Variants in KIAA1958 observed in about 807,000 individuals in gnomAD.
The protein encoded by KIAA1958 is KIAA1958.
KIAA1958 carries 14 observed loss-of-function variants against 47.2 expected under a neutral mutation model. That is an observed-to-expected ratio of 0.30 (90% CI 0.20 to 0.46). The LOEUF is 0.46. KIAA1958 is among the 20% of genes least tolerant of loss of function. The probability of loss-of-function intolerance (pLI) is 1.00; values close to 1 mark genes in which losing one functional copy is unlikely to be tolerated. For synonymous variants in KIAA1958, 354 were observed against 353.3 expected, an observed-to-expected ratio of 1.00 and a Z score of -0.02; for missense variants, 803 against 909.2, an observed-to-expected ratio of 0.88 and a Z score of 1.50.
intron 1 of KIAA1958, among the ~76,000 whole-genome samples, chr9:112,532,587 A>G (rs1044951865): frequency 5.9e-5 from 9 of 152,200 alleles, no homozygotes; most frequent in Non-Finnish European, 8.8e-5. Flanking sequence ...ATGTGTGTAT[A>G]AAACAGTAGT....
intron 2 of KIAA1958, among the ~76,000 whole-genome samples, chr9:112,601,321 AT>A (rs1428230461): frequency 6.6e-6 from 1 of 152,206 alleles, no homozygotes; most frequent in African/African-American, 2.4e-5. Flanking sequence ...AATAAACATT[AT>A]TTAACAGCTA....
intron 2 of KIAA1958, among the ~76,000 whole-genome samples, chr9:112,630,011 G>GTGCAC (rs1281893216): frequency 6.6e-6 from 1 of 152,214 alleles, no homozygotes; most frequent in Non-Finnish European, 1.5e-5. Flanking sequence ...CCTGGACATT[G>GTGCAC]TGCACTGGCC....
At chr9:112,530,838 T>C (rs1834739851) in intron 1 of KIAA1958, among the ~76,000 whole-genome samples, 1 of 152,356 alleles carries the variant, frequency 6.6e-6, no homozygotes, top group East Asian at 1.9e-4. Context: ...ATTTGGCTTT[T>C]GGTTGTAATT....
intron 3 of KIAA1958, among the ~76,000 whole-genome samples, chr9:112,648,041 C>A (rs1310142873): frequency 6.6e-6 from 1 of 152,160 alleles, no homozygotes. Flanking sequence ...GTGACTCATA[C>A]ATGGGAGAAA....
rs370747857 is a variant in KIAA1958 at position 112,659,292 on chromosome 9, C to G, written c.1374C>G (p.Leu458=). Residue 458 remains leucine, a synonymous_variant, in exon 4 of 4, where the codon CTC becomes CTG. Coordinates refer to ENST00000337530, the MANE Select transcript of KIAA1958 (RefSeq NM_133465.4). ...CTGCAGTGAAGTTGAACGAGCTGCT[C>G]GAGAACTTTTATGTCACCGTCAAGA... is the stretch of plus-strand genomic sequence containing the variant. The part of the protein sequence containing the change: ...KIPAVKLNEL[L]ENFYVTVKKS... 30 of 1,613,200 alleles carry G rather than the reference C, an allele frequency of 1.9e-5. No individual in the cohort carries two copies. Among genetic ancestry groups the G allele is most frequent in the Non-Finnish European group, 2.5e-5 (29 of 1,179,640 alleles).
intron 1 of KIAA1958, among the ~76,000 whole-genome samples, chr9:112,556,533 C>T (rs768484422): frequency 1.4e-4 from 21 of 152,298 alleles, no homozygotes; most frequent in South Asian, 4.1e-4. Context: ...TAGGGTCTTA[C>T]TGTGTTGCCC....
intron 2 of KIAA1958, among the ~76,000 whole-genome samples, chr9:112,626,199 T>A (rs1413113517): frequency 1.3e-5 from 2 of 152,172 alleles, no homozygotes; most frequent in Non-Finnish European, 2.9e-5. Context: ...ATGTAGAAAT[T>A]CAAACTTACT....
chr9:112,590,074 C>T (rs1835893557), intron 2 of KIAA1958, among the ~76,000 whole-genome samples: 1 of 152,190 alleles, frequency 6.6e-6, no homozygotes, highest in African/African-American at 2.4e-5. Flanking sequence ...GATGTGGTCC[C>T]TCATACTGCC....
chr9:112,551,198 T>A (rs981108951), intron 1 of KIAA1958, among the ~76,000 whole-genome samples: 1 of 152,198 alleles, frequency 6.6e-6, no homozygotes, highest in Non-Finnish European at 1.5e-5. Context: ...TAACTATCAC[T>A]GTCATCCATC....
At chr9:112,642,553 G>A (rs1288847429) in intron 2 of KIAA1958, among the ~76,000 whole-genome samples, 2 of 152,092 alleles carry the variant, frequency 1.3e-5, no homozygotes, top group Non-Finnish European at 1.5e-5. Flanking sequence ...ATGATGTAAG[G>A]GCATCCGCAG....
intron 2 of KIAA1958, among the ~76,000 whole-genome samples, chr9:112,616,743 TTGTTAA>T: frequency 6.6e-6 from 1 of 152,362 alleles, no homozygotes; most frequent in Middle Eastern, 3.4e-3. Context: ...AAATATTTTA[TTGTTAA>T]TGTTAAGATC....
intron 1 of KIAA1958, among the ~76,000 whole-genome samples, chr9:112,549,481 T>C (rs4978497): frequency 0.95 from 145,409 of 152,324 alleles, 69,474 homozygotes; most frequent in African/African-American, 0.99. Context: ...TTATGGACTT[T>C]CAACACTGCT....
intron 3 of KIAA1958, among the ~76,000 whole-genome samples, chr9:112,658,786 C>T (rs1036621683): frequency 1.3e-5 from 2 of 151,786 alleles, no homozygotes; most frequent in Admixed American, 6.6e-5. Context: ...TGTGAAACCC[C>T]ATCTCTACAA....
At chr9:112,599,542 G>A (rs559892338) in intron 2 of KIAA1958, among the ~76,000 whole-genome samples, 1 of 152,296 alleles carries the variant, frequency 6.6e-6, no homozygotes, top group East Asian at 1.9e-4. Context: ...ATAGGTTGTT[G>A]AGATAATGCC....
intron 2 of KIAA1958, among the ~76,000 whole-genome samples, chr9:112,583,015 T>C (rs1321865272): frequency 6.6e-6 from 1 of 152,228 alleles, no homozygotes; most frequent in Non-Finnish European, 1.5e-5. Context: ...TGATTTTGTA[T>C]GCGCATTAGA....
chr9:112,528,576 G>A (rs1258853344), intron 1 of KIAA1958, among the ~76,000 whole-genome samples: 1 of 152,174 alleles, frequency 6.6e-6, no homozygotes, highest in Non-Finnish European at 1.5e-5. Flanking sequence ...AGGCTGAAGT[G>A]CAGTGGCATG....
chr9:112,620,369 C>G (rs1207163444), intron 2 of KIAA1958, among the ~76,000 whole-genome samples: 2 of 152,168 alleles, frequency 1.3e-5, no homozygotes, highest in African/African-American at 4.8e-5. Context: ...TTCACATTAG[C>G]TAGAAAGGTA....
intron 2 of KIAA1958, chr9:112,617,962 C>T: frequency 1.3e-6 from 2 of 1,550,526 alleles, no homozygotes; most frequent in Non-Finnish European, 8.7e-7. Context: ...TCCGTGAGTT[C>T]CTCATCTCCA....
chr9:112,560,313 C>G (rs748349344), intron 1 of KIAA1958, among the ~76,000 whole-genome samples: 1 of 150,864 alleles, frequency 6.6e-6, no homozygotes, highest in African/African-American at 2.4e-5. Flanking sequence ...CAGTCGTCCT[C>G]CCTCAGCCTC....
Sources: allele counts gnomAD v4.1 joint callset (sites outside exome capture counted in the v4.1 genomes callset), GRCh38; gene constraint gnomAD v4.1.1; transcripts MANE v1.5; gene names NCBI Gene and HGNC (gene_info 2026-07-23, HGNC 2026-07-21).